SAMD12: variants seen among roughly 807,000 people sequenced by gnomAD.
The protein encoded by SAMD12 is sterile alpha motif domain-containing protein 12.
SAMD12 carries 9 observed loss-of-function variants against 15.0 expected under a neutral mutation model. The ratio of observed to expected loss-of-function variants is 0.60; its 90% CI spans 0.36 to 1.05. The LOEUF (loss-of-function observed/expected upper bound fraction) is 1.05, where lower values mean the gene tolerates loss of function less well. Ranked by LOEUF, SAMD12 falls within the 50% of genes least tolerant of loss-of-function variation. The pLI, the probability that SAMD12 is intolerant of heterozygous loss-of-function variation, is 0.01. For synonymous variants in SAMD12, 86 were observed against 90.1 expected (o/e 0.96, Z 0.25); for missense variants, 230 against 234.2 (o/e 0.98, Z 0.12).
chr8:118,171,739 T>C, the SAMD12 span, among the ~76,000 whole-genome samples: 5 of 149,690 alleles, frequency 3.3e-5, no homozygotes, highest in Non-Finnish European at 7.4e-5. Context: ...TTTTTTTTTT[T>C]TTTTTTTTTG....
the SAMD12 span, among the ~76,000 whole-genome samples, chr8:118,139,140 C>T: frequency 6.6e-6 from 1 of 151,644 alleles, no homozygotes; most frequent in Non-Finnish European, 1.5e-5. Flanking sequence ...TCAAGAAATG[C>T]TAGTCTGCAT....
chr8:118,315,951 C>A (rs1439312407), intron 4 of SAMD12, among the ~76,000 whole-genome samples: 5 of 152,162 alleles, frequency 3.3e-5, no homozygotes, highest in Non-Finnish European at 7.4e-5. Context: ...CTGTTACCAT[C>A]TTCTTTTTGA....
chr8:118,528,252 T>C (rs1392278815), intron 2 of SAMD12, among the ~76,000 whole-genome samples: 1 of 152,106 alleles, frequency 6.6e-6, no homozygotes, highest in Non-Finnish European at 1.5e-5. Flanking sequence ...GGCTGGTCTC[T>C]AACTCCTGAC....
At chr8:118,275,809 T>C (rs1157278102) in intron 4 of SAMD12, among the ~76,000 whole-genome samples, 1 of 152,248 alleles carries the variant, frequency 6.6e-6, no homozygotes, top group Non-Finnish European at 1.5e-5. Context: ...GAGCATGTGA[T>C]ATTTGGTTCT....
intron 2 of SAMD12, among the ~76,000 whole-genome samples, chr8:118,484,751 A>G (rs2515036): frequency 0.78 from 118,257 of 151,302 alleles, 46,021 homozygotes; most frequent in Middle Eastern, 0.83. Context: ...TCAACTCTTG[A>G]GTGCTTTGCT....
chr8:118,572,250 C>A (rs1827031782), intron 2 of SAMD12, among the ~76,000 whole-genome samples: 1 of 152,090 alleles, frequency 6.6e-6, no homozygotes, highest in Non-Finnish European at 1.5e-5. Flanking sequence ...ATGCCTGTCC[C>A]CCTGTAGGAA....
At chr8:118,401,490 C>A (rs1381743962) in intron 3 of SAMD12, among the ~76,000 whole-genome samples, 1 of 151,854 alleles carries the variant, frequency 6.6e-6, no homozygotes, top group Non-Finnish European at 1.5e-5. Context: ...CCTGCCTGTG[C>A]CTCACAAGTG....
chr8:118,351,298 C>A (rs1817951555), intron 4 of SAMD12, among the ~76,000 whole-genome samples: 1 of 152,142 alleles, frequency 6.6e-6, no homozygotes. Context: ...GAGGGACGTA[C>A]CTCTCAACTC....
At chr8:118,344,306 C>T (rs1008189588) in intron 4 of SAMD12, among the ~76,000 whole-genome samples, 2 of 152,176 alleles carry the variant, frequency 1.3e-5, no homozygotes, top group Non-Finnish European at 2.9e-5. Context: ...GTCACAGTTC[C>T]AGGGAAAAAT....
chr8:118,339,372 A>T (rs557715377), intron 4 of SAMD12, among the ~76,000 whole-genome samples: 32 of 152,178 alleles, frequency 2.1e-4, no homozygotes, highest in Non-Finnish European at 3.8e-4. Context: ...AGAGAGAGAA[A>T]GAAAAATGCA....
chr8:118,248,289 G>A lies in SAMD12; in HGVS notation c.434-50557C>T, dbSNP rs1165312028. On this transcript the variant is annotated intron_variant, in intron 4 of 4. Coordinates refer to the SAMD12 transcript ENST00000409003. The stretch of plus-strand genomic sequence containing the variant: ...GTTCCCAATATAGGGATCATGTGGT[G>A]TGATTTCCACAGCAAATATTTCTAT... Among the ~76,000 whole-genome samples, 3 of 152,136 alleles carry A rather than the reference G, an allele frequency of 2.0e-5. 1 individual carries two copies. Among genetic ancestry groups the A allele is most frequent in the Non-Finnish European group, 2.9e-5 (2 of 68,018 alleles).
chr8:118,152,184 T>C, the SAMD12 span, among the ~76,000 whole-genome samples: 1 of 152,192 alleles, frequency 6.6e-6, no homozygotes, highest in Admixed American at 6.5e-5. Flanking sequence ...TTGGGTTGTT[T>C]ACTCAGAGAA....
intron 3 of SAMD12, among the ~76,000 whole-genome samples, chr8:118,414,232 T>C (rs1821572297): frequency 6.6e-6 from 1 of 152,214 alleles, no homozygotes; most frequent in Non-Finnish European, 1.5e-5. Flanking sequence ...TAAATAATTG[T>C]ATTTCTTATG....
chr8:118,501,452 C>T (rs1449680164), intron 2 of SAMD12, among the ~76,000 whole-genome samples: 1 of 152,104 alleles, frequency 6.6e-6, no homozygotes. Flanking sequence ...ATTTTGTCAA[C>T]TAAAAAATAA....
chr8:118,339,163 C>A (rs1586559509), intron 4 of SAMD12, among the ~76,000 whole-genome samples: 1 of 152,060 alleles, frequency 6.6e-6, no homozygotes, highest in East Asian at 1.9e-4. Flanking sequence ...GACCCTGTCT[C>A]TACAGAAAAT....
intron 2 of SAMD12, among the ~76,000 whole-genome samples, chr8:118,475,116 G>A (rs975444250): frequency 1.3e-5 from 2 of 152,168 alleles, no homozygotes; most frequent in African/African-American, 2.4e-5. Flanking sequence ...ATGCATGCCT[G>A]TAGTCCCAGC....
At chr8:118,264,193 C>T (rs941230707) in intron 4 of SAMD12, among the ~76,000 whole-genome samples, 3 of 152,026 alleles carry the variant, frequency 2.0e-5, no homozygotes, top group Admixed American at 2.0e-4. Context: ...GTTGTATTGG[C>T]ATCTTTACCA....
At chr8:118,254,591 C>T (rs1402975995) in intron 4 of SAMD12, among the ~76,000 whole-genome samples, 1 of 152,008 alleles carries the variant, frequency 6.6e-6, no homozygotes, top group African/African-American at 2.4e-5. Flanking sequence ...CCCACACAAA[C>T]TTCCCCCTTC....
intron 4 of SAMD12, among the ~76,000 whole-genome samples, chr8:118,217,564 A>G (rs1442466442): frequency 6.6e-6 from 1 of 152,208 alleles, no homozygotes; most frequent in African/African-American, 2.4e-5. Flanking sequence ...TCAGAAAAAG[A>G]AAAAAGGTTA....
Sources: gnomAD v4.1 joint callset for allele counts (sites outside exome capture counted in the v4.1 genomes callset) on GRCh38, gnomAD v4.1.1 for gene constraint, MANE v1.5 for transcripts, NCBI Gene and HGNC (gene_info 2026-07-23, HGNC 2026-07-21) for gene names.